The following TAFA2 variants were observed in gnomAD, a reference collection of about 807,000 sequenced individuals.
The protein encoded by TAFA2 is TAFA chemokine like family member 2.
A neutral mutation model predicts 18.8 loss-of-function variants in TAFA2; 7 were observed. That is an observed-to-expected ratio of 0.37 (90% confidence interval 0.21 to 0.70). TAFA2 has a LOEUF of 0.70. TAFA2 is among the 30% of genes least tolerant of loss of function. The probability of loss-of-function intolerance (pLI) is 0.53; values close to 1 mark genes in which losing one functional copy is unlikely to be tolerated. For missense variants in TAFA2, 122 were observed against 158.1 expected, an observed-to-expected ratio of 0.77 and a Z score of 1.23; for synonymous variants, 60 against 54.2, an observed-to-expected ratio of 1.11 and a Z score of -0.47.
intron 4 of TAFA2, among the ~76,000 whole-genome samples, chr12:61,752,337 G>T (rs186132324): frequency 3.9e-5 from 6 of 152,102 alleles, no homozygotes; most frequent in African/African-American, 1.4e-4. Flanking sequence ...TTAAAAATTT[G>T]TTTCAGAATC....
intron 1 of TAFA2, among the ~76,000 whole-genome samples, chr12:62,144,389 G>T (rs750085317): frequency 1.3e-5 from 2 of 151,962 alleles, no homozygotes; most frequent in Admixed American, 1.3e-4. Context: ...TACTTCTGTC[G>T]CAGGAGAGCT....
intron 1 of TAFA2, among the ~76,000 whole-genome samples, chr12:62,141,232 C>A (rs2062236927): frequency 6.6e-6 from 1 of 152,190 alleles, no homozygotes; most frequent in African/African-American, 2.4e-5. Context: ...GAGGAAAGTT[C>A]AGAGAGAACA....
intron 1 of TAFA2, among the ~76,000 whole-genome samples, chr12:61,902,170 C>T (rs1592472217): frequency 6.7e-6 from 1 of 150,258 alleles, no homozygotes; most frequent in Non-Finnish European, 1.5e-5. Context: ...ACCTGTTACA[C>T]CGAGGCTGTC....
chr12:62,005,232 C>T (rs1406914466), intron 1 of TAFA2, among the ~76,000 whole-genome samples: 1 of 151,970 alleles, frequency 6.6e-6, no homozygotes, highest in Non-Finnish European at 1.5e-5. Flanking sequence ...TGTTTATTTG[C>T]TTGACTGTAG....
chr12:61,918,777 T>A (rs1046262753), intron 1 of TAFA2, among the ~76,000 whole-genome samples: 1 of 152,200 alleles, frequency 6.6e-6, no homozygotes, highest in South Asian at 2.1e-4. Flanking sequence ...TTGGCTTCCA[T>A]CCTTGGAGAT....
intron 1 of TAFA2, among the ~76,000 whole-genome samples, chr12:61,937,414 G>T (rs1367867724): frequency 2.6e-5 from 4 of 152,050 alleles, no homozygotes; most frequent in African/African-American, 9.7e-5. Flanking sequence ...ATACTACAAG[G>T]CTACAGTTAC....
chr12:62,255,801 C>T (rs973586770), intron 1 of TAFA2, among the ~76,000 whole-genome samples: 2 of 152,210 alleles, frequency 1.3e-5, no homozygotes, highest in Admixed American at 6.5e-5. Flanking sequence ...TTGCAGTGAG[C>T]GGAGATCATA....
At chr12:62,225,770 A>C (rs1422789683) in intron 1 of TAFA2, among the ~76,000 whole-genome samples, 1 of 152,228 alleles carries the variant, frequency 6.6e-6, no homozygotes, top group Non-Finnish European at 1.5e-5. Context: ...GATACCCCAA[A>C]ATATGAATTT....
At chr12:62,226,534 G>T (rs1440144993) in intron 1 of TAFA2, among the ~76,000 whole-genome samples, 5 of 151,868 alleles carry the variant, frequency 3.3e-5, no homozygotes, top group Non-Finnish European at 5.9e-5. Context: ...CCACTCTCTG[G>T]GCCTTAACTA....
At chr12:61,716,723 T>A (rs1005930965) in intron 4 of TAFA2, among the ~76,000 whole-genome samples, 2 of 152,206 alleles carry the variant, frequency 1.3e-5, no homozygotes, top group Non-Finnish European at 2.9e-5. Context: ...AATTTCATTT[T>A]AAAAAGTTAA....
At chr12:62,219,407 G>C (rs1233251376) in intron 1 of TAFA2, among the ~76,000 whole-genome samples, 1 of 152,128 alleles carries the variant, frequency 6.6e-6, no homozygotes, top group Non-Finnish European at 1.5e-5. Context: ...GAAGGTTAGA[G>C]AATATTTACA....
At chr12:62,184,608 C>T (rs1000786321) in intron 1 of TAFA2, among the ~76,000 whole-genome samples, 5 of 148,512 alleles carry the variant, frequency 3.4e-5, no homozygotes, top group African/African-American at 9.9e-5. Context: ...ATCCTCCCCC[C>T]TCTCAGCCTC....
chr12:61,820,454 G>A (rs371889605), intron 2 of TAFA2, among the ~76,000 whole-genome samples: 1 of 151,666 alleles, frequency 6.6e-6, no homozygotes, highest in Non-Finnish European at 1.5e-5. Context: ...CTATCTATCT[G>A]CCTCACTCTC....
chr12:62,110,855 A>G (rs965871642), intron 1 of TAFA2, among the ~76,000 whole-genome samples: 19 of 151,068 alleles, frequency 1.3e-4, no homozygotes, highest in African/African-American at 4.6e-4. Flanking sequence ...ATCATTTTTT[A>G]TTGTGTCTAT....
At chr12:61,804,577 A>G (rs1195783697) in intron 2 of TAFA2, among the ~76,000 whole-genome samples, 6 of 152,066 alleles carry the variant, frequency 3.9e-5, no homozygotes, top group Admixed American at 2.6e-4. Flanking sequence ...TTGTATTACA[A>G]TGATTCTGGG....
intron 2 of TAFA2, among the ~76,000 whole-genome samples, chr12:61,806,526 G>C (rs182223388): frequency 9.2e-5 from 14 of 152,280 alleles, no homozygotes; most frequent in African/African-American, 3.4e-4. Context: ...GGTAGAGTGG[G>C]GCACTGCTGA....
intron 2 of TAFA2, among the ~76,000 whole-genome samples, chr12:61,836,760 C>CACAG (rs1872947804): frequency 1.2e-5 from 1 of 83,298 alleles, no homozygotes; most frequent in Admixed American, 1.3e-4. Flanking sequence ...TATATATACA[C>CACAG]ACACACACAC....
At chr12:61,719,643 T>C (rs894368891) in intron 4 of TAFA2, among the ~76,000 whole-genome samples, 1 of 152,218 alleles carries the variant, frequency 6.6e-6, no homozygotes, top group African/African-American at 2.4e-5. Flanking sequence ...CTGTGTGGCA[T>C]GGCTGGCCTC....
chr12:62,127,149 C>G (rs1056712027), intron 1 of TAFA2, among the ~76,000 whole-genome samples: 1 of 152,068 alleles, frequency 6.6e-6, no homozygotes, highest in African/African-American at 2.4e-5. Context: ...GGTCTCAAGT[C>G]AGGCCTTTAT....
Sources: allele counts gnomAD v4.1 joint callset (sites outside exome capture counted in the v4.1 genomes callset), GRCh38; gene constraint gnomAD v4.1.1; transcripts MANE v1.5; gene names NCBI Gene and HGNC (gene_info 2026-07-23, HGNC 2026-07-21).